The following TADA2A variants were observed in gnomAD, a reference collection of about 807,000 sequenced individuals.
TADA2A encodes transcriptional adaptor 2A, also known as transcriptional adapter 2-alpha.
In TADA2A, 38 loss-of-function variants were observed where a neutral mutation model predicts 67.4. The ratio of observed to expected loss-of-function variants is 0.56; its 90% confidence interval spans 0.44 to 0.74. TADA2A has a LOEUF of 0.74. TADA2A is among the 30% of genes least tolerant of loss of function. The pLI is 0.00. For synonymous variants in TADA2A, 192 were observed against 181.6 expected (o/e 1.06, Z -0.46); for missense variants, 454 against 547.0 (o/e 0.83, Z 1.70).
chr17:37,439,926 ATTTATTTATTTATTTATTAT>A (rs1338624929), intron 5 of TADA2A, among the ~76,000 whole-genome samples: 16 of 100,184 alleles, frequency 1.6e-4, no homozygotes, highest in African/African-American at 7.2e-4. Flanking sequence ...TTATTTATTT[ATTTATTTATTTATTTATTAT>A]TTTTTTTTTT....
chr17:37,477,029 G>A lies in TADA2A; in HGVS notation c.*47G>A, dbSNP rs201449135. 23 of 1,563,048 alleles carry A rather than the reference G, an allele frequency of 1.5e-5. No individual in the cohort carries two copies. The highest frequency in any genetic ancestry group is 5.4e-5 in the Admixed American group (3 of 55,592). ...GAAGTCAGAAGTTTGGAATGTGGTG[G>A]GTCAAAGGACAATATGGGTGGGCAT... On this transcript the variant is annotated 3_prime_UTR_variant, in exon 16 of 16. Coordinates refer to ENST00000615182, the MANE Select transcript of TADA2A (RefSeq NM_001166105.3).
chr17:37,443,249 T>C (rs1416583253), intron 7 of TADA2A, among the ~76,000 whole-genome samples: 1 of 150,996 alleles, frequency 6.6e-6, no homozygotes, highest in African/African-American at 2.4e-5. Context: ...TCCTATAGTC[T>C]GGTTCTTTTT....
intron 6 of TADA2A, among the ~76,000 whole-genome samples, chr17:37,441,094 C>T (rs1296492066): frequency 7.6e-6 from 1 of 131,482 alleles, no homozygotes; most frequent in Admixed American, 8.4e-5. Flanking sequence ...GACTTCATCT[C>T]TTAAAAAAAA....
intron 14 of TADA2A, among the ~76,000 whole-genome samples, chr17:37,472,262 C>T (rs186193043): frequency 1.3e-3 from 191 of 151,406 alleles, no homozygotes; most frequent in African/African-American, 4.5e-3. Context: ...GATGGGGTTT[C>T]GCCATGCTGG....
chr17:37,421,535 G>A (rs1057501794), intron 2 of TADA2A, among the ~76,000 whole-genome samples: 7 of 147,648 alleles, frequency 4.7e-5, no homozygotes, highest in Non-Finnish European at 9.1e-5. Flanking sequence ...AACACTTTAG[G>A]AAGCTGAGGC....
chr17:37,442,501 T>C (rs1597894858), intron 6 of TADA2A, 63 bp from the exon 7 acceptor site: 2 of 1,239,174 alleles, frequency 1.6e-6, no homozygotes, highest in East Asian at 4.7e-5. Context: ...CTTGGACTAT[T>C]ATGTCATTTT....
chr17:37,416,951 A>AT (rs1044041878), intron 2 of TADA2A, among the ~76,000 whole-genome samples: 12 of 152,046 alleles, frequency 7.9e-5, no homozygotes, highest in African/African-American at 2.9e-4. Context: ...TTTCTCTTAG[A>AT]TTTTAAAAAA....
chr17:37,423,458 A>G (rs1359896362), intron 2 of TADA2A, 51 bp from the exon 3 acceptor site: 1 of 1,398,342 alleles, frequency 7.2e-7, no homozygotes, highest in Admixed American at 2.2e-5. Context: ...TTTGCACTTA[A>G]GATAACCGTA....
intron 4 of TADA2A, among the ~76,000 whole-genome samples, chr17:37,434,041 C>T (rs2052650849): frequency 6.6e-6 from 1 of 152,078 alleles, no homozygotes; most frequent in African/African-American, 2.4e-5. Context: ...CCAGATTTTC[C>T]ACAAATGTCC....
At chr17:37,471,547 G>A (rs867276289) in intron 14 of TADA2A, among the ~76,000 whole-genome samples, 4 of 151,506 alleles carry the variant, frequency 2.6e-5, no homozygotes, top group Non-Finnish European at 5.9e-5. Flanking sequence ...TCGGTCTGTC[G>A]CCCAGGCTGG....
In TADA2A at chr17:37,437,768, T is replaced by C. The variant is rs754433137; in HGVS notation, c.223T>C (p.Trp75Arg). ...TSDFPVLDPSWTAQEEMALLE... is the reference protein window; with the variant it reads ...TSDFPVLDPSRTAQEEMALLE... The stretch of plus-strand genomic sequence containing the variant: ...AGATTTTCCTGTCCTTGATCCCAGC[T>C]GGACTGCTCAAGAAGAAATGGCCCT... Residue 75 changes from tryptophan (W) to arginine (R), a missense_variant, in exon 5 of 16, where the codon TGG (tryptophan) becomes CGG (arginine). Trp to Arg is a moderately radical substitution (Grantham distance 101). Coordinates refer to ENST00000615182, the MANE Select transcript of TADA2A (RefSeq NM_001166105.3). 6.2e-7 allele frequency: 1 copy of C among 1,614,204 alleles called. No homozygotes were observed. The highest frequency in any genetic ancestry group is 1.1e-5 in the South Asian group (1 of 91,084).
chr17:37,461,137 C>T (rs576050515), intron 9 of TADA2A, among the ~76,000 whole-genome samples: 27 of 152,142 alleles, frequency 1.8e-4, no homozygotes, highest in African/African-American at 6.5e-4. Flanking sequence ...AACTGTTCCA[C>T]CTCAGATCAT....
chr17:37,460,141 T>G (rs1464435903), intron 9 of TADA2A, among the ~76,000 whole-genome samples: 1 of 151,102 alleles, frequency 6.6e-6, no homozygotes, highest in Non-Finnish European at 1.5e-5. Context: ...CCTGAACTCC[T>G]AGACTCAAGG....
intron 2 of TADA2A, among the ~76,000 whole-genome samples, chr17:37,414,845 G>A (rs2051991414): frequency 6.6e-6 from 1 of 151,062 alleles, no homozygotes; most frequent in East Asian, 1.9e-4. Context: ...AATCCTTTTT[G>A]CAAAGAAAAG....
intron 6 of TADA2A, among the ~76,000 whole-genome samples, chr17:37,442,021 A>G (rs1007967882): frequency 1.3e-5 from 2 of 152,108 alleles, no homozygotes; most frequent in African/African-American, 2.4e-5. Flanking sequence ...CAAATCCATT[A>G]GACCATTTGT....
At chr17:37,419,405 C>T (rs2052159979) in intron 2 of TADA2A, among the ~76,000 whole-genome samples, 1 of 145,766 alleles carries the variant, frequency 6.9e-6, no homozygotes, top group South Asian at 2.2e-4. Flanking sequence ...AACTCCTGAG[C>T]TCAAGTGATC....
intron 4 of TADA2A, among the ~76,000 whole-genome samples, chr17:37,427,936 C>T (rs531783954): frequency 5.8e-4 from 88 of 151,770 alleles, no homozygotes; most frequent in Non-Finnish European, 1.0e-3. Context: ...GAGCCAAGAT[C>T]GCACCACTGC....
At chr17:37,422,053 G>GTT (rs1447478772) in intron 2 of TADA2A, among the ~76,000 whole-genome samples, 2 of 134,470 alleles carry the variant, frequency 1.5e-5, no homozygotes, top group African/African-American at 5.3e-5. Context: ...TAATTTTTTT[G>GTT]TTTTTTTTTT....
intron 5 of TADA2A, among the ~76,000 whole-genome samples, chr17:37,439,930 ATTTATTTATTTATTATTTT>A (rs2052852008): frequency 9.0e-6 from 1 of 111,476 alleles, no homozygotes; most frequent in African/African-American, 3.3e-5. Flanking sequence ...TTATTTATTT[ATTTATTTATTTATTATTTT>A]TTTTTTTTTT....
Sources: allele counts gnomAD v4.1 joint callset (sites outside exome capture counted in the v4.1 genomes callset), GRCh38; gene constraint gnomAD v4.1.1; transcripts MANE v1.5; gene names NCBI Gene and HGNC (gene_info 2026-07-23, HGNC 2026-07-21).